Variants in SGO1 observed in about 807,000 individuals in gnomAD.
The protein encoded by SGO1 is serologically defined breast cancer antigen NY-BR-85.
A neutral mutation model predicts 50.5 loss-of-function variants in SGO1; 39 were observed. The observed-to-expected ratio is 0.77, with a 90% confidence interval of 0.60 to 1.01. The LOEUF is 1.01. Among genes scored for constraint, SGO1 ranks in the 50% least tolerant of loss-of-function variants. The pLI, the probability that SGO1 is intolerant of heterozygous loss-of-function variation, is 0.00. For synonymous variants in SGO1, 191 were observed against 205.1 expected, an observed-to-expected ratio of 0.93 and a Z score of 0.59; for missense variants, 638 against 606.0, an observed-to-expected ratio of 1.05 and a Z score of -0.55.
chr3:20,163,585 C>A (rs1198282605), intron 8 of SGO1, among the ~76,000 whole-genome samples: 2 of 152,094 alleles, frequency 1.3e-5, no homozygotes, highest in Admixed American at 1.3e-4. Context: ...TAACAGAATG[C>A]TATAAATAGA....
At position 20,174,677 on chromosome 3, in the gene SGO1, CTT is replaced by C; in HGVS notation, c.852_853del (p.Asp286TyrfsTer13). 1.2e-6 allele frequency: 2 copies of C among 1,610,682 alleles called. No homozygotes were observed. On this transcript the variant is annotated frameshift_variant, in exon 6 of 8. Transcript: ENST00000412997. LOFTEE classifies it high-confidence loss of function. Reference sequence around the variant, plus strand: ...TTCTCTTTTTCTTTCTTGTGTATCTCTTTGCTTACTTTTAGTTTGTTCAGATT... The same window carrying C: ...TTCTCTTTTTCTTTCTTGTGTATCTCTGCTTACTTTTAGTTTGTTCAGATT...
At chr3:20,180,964 C>A (rs1186375925) in intron 3 of SGO1, among the ~76,000 whole-genome samples, 3 of 152,082 alleles carry the variant, frequency 2.0e-5, no homozygotes, top group Non-Finnish European at 4.4e-5. Context: ...CTGTCTCTAC[C>A]CCCAACAAAA....
At position 20,161,124 on chromosome 3, in the gene SGO1, GT is replaced by G. The variant is rs1484381292; in HGVS notation, c.1666del (p.Thr556ProfsTer5). The stretch of plus-strand genomic sequence containing the variant: ...TGGACTTTACCTCAAGCAGATGTGG[GT>G]TTCAAGTTTACATTTCCTACAGTCT... On this transcript the variant is annotated frameshift_variant, in exon 9 of 9. Coordinates refer to the SGO1 transcript ENST00000263753. LOFTEE classifies it high-confidence loss of function. 7.4e-6 allele frequency: 12 copies of G among 1,613,674 alleles called. No homozygotes were observed. In the East Asian group the frequency reaches 2.7e-4, roughly 36 times the overall value.
rs902182648 is a variant in SGO1 at position 20,169,616 on chromosome 3, T to C, written c.*1088A>G. The stretch of plus-strand genomic sequence containing the variant: ...TTCGCTTTCATTGGTTGGTCAAAAA[T>C]ATGCAAAAACCCTAAATATTCACAC... On this transcript the variant is annotated 3_prime_UTR_variant, in exon 8 of 8. Transcript: ENST00000412997. 1 of 985,150 alleles carries C rather than the reference T, an allele frequency of 1.0e-6. No homozygotes were observed. The highest frequency in any genetic ancestry group is 1.7e-5 in the African/African-American group (1 of 57,356). The allele number at this position is 985,150 out of a possible 1,614,324, so 61.0% of individuals were successfully genotyped here. A position where few individuals can be genotyped will look rare whatever the true frequency, so the allele number is the denominator to read the frequency against.
downstream of SGO1, among the ~76,000 whole-genome samples, chr3:20,165,148 C>G (rs571557650): frequency 3.3e-5 from 5 of 152,220 alleles, no homozygotes; most frequent in Non-Finnish European, 7.3e-5. Flanking sequence ...GCTGCTTCCA[C>G]TCATGGTAGA....
At chr3:20,169,149 G>C, downstream of SGO1, 1 of 985,340 alleles carries the variant, frequency 1.0e-6, no homozygotes, top group Non-Finnish European at 1.2e-6. Context: ...GACTGACATA[G>C]AATACAGAAA....
At chr3:20,172,690 C>T (rs1700887839) in intron 6 of SGO1, among the ~76,000 whole-genome samples, 1 of 149,888 alleles carries the variant, frequency 6.7e-6, no homozygotes, top group African/African-American at 2.5e-5. Flanking sequence ...GCTCACACAT[C>T]TGTAATCCCA....
At chr3:20,182,372 T>G (rs1702119214) in intron 3 of SGO1, among the ~76,000 whole-genome samples, 1 of 149,840 alleles carries the variant, frequency 6.7e-6, no homozygotes, top group Non-Finnish European at 1.5e-5. Context: ...CACAATGTTC[T>G]CGCTTTCTTA....
intron 8 of SGO1, among the ~76,000 whole-genome samples, chr3:20,162,377 G>T (rs758209022): frequency 6.6e-6 from 1 of 152,142 alleles, no homozygotes; most frequent in Non-Finnish European, 1.5e-5. Context: ...TCACATCTTC[G>T]TACTGGGGGT....
intron 3 of SGO1, among the ~76,000 whole-genome samples, chr3:20,182,627 A>G (rs193166333): frequency 6.6e-6 from 1 of 152,250 alleles, no homozygotes; most frequent in East Asian, 1.9e-4. Context: ...GACACAAAGA[A>G]TATCCTAAAG....
Position 20,170,399 on chromosome 3 carries a change from C to CAAAA in SGO1, c.*301_*304dup. 1 of 735,334 alleles carries CAAAA rather than the reference C, an allele frequency of 1.4e-6. No homozygotes were observed. The highest frequency in any genetic ancestry group is 1.6e-6 in the Non-Finnish European group (1 of 630,092). The allele number at this position is 735,334 out of a possible 1,614,324, so 45.6% of individuals were successfully genotyped here. On this transcript the variant is annotated 3_prime_UTR_variant, in exon 8 of 8. Transcript: ENST00000412997. The stretch of plus-strand genomic sequence containing the variant: ...GGCAACAAGAATGAAATTCCGCCTC[C>CAAAA]AAAAAAAAAAAAAGATATATTTCGA...
downstream of SGO1, among the ~76,000 whole-genome samples, chr3:20,167,204 G>A (rs1305294089): frequency 1.3e-5 from 2 of 152,084 alleles, no homozygotes; most frequent in South Asian, 2.1e-4. Context: ...GAATTGTGCT[G>A]GGACAACTGG....
intron 5 of SGO1, among the ~76,000 whole-genome samples, chr3:20,175,955 A>AT (rs1478118746): frequency 6.6e-6 from 1 of 152,240 alleles, no homozygotes; most frequent in Non-Finnish European, 1.5e-5. Flanking sequence ...TGAAAAATAA[A>AT]TAAGATTTGA....
intron 4 of SGO1, among the ~76,000 whole-genome samples, chr3:20,177,973 A>C (rs564185994): frequency 6.6e-6 from 1 of 152,258 alleles, no homozygotes; most frequent in South Asian, 2.1e-4. Context: ...TTAGAATAAA[A>C]ACATGGTACA....
chr3:20,181,540 G>A (rs369799121), intron 3 of SGO1, among the ~76,000 whole-genome samples: 10 of 152,310 alleles, frequency 6.6e-5, no homozygotes, highest in African/African-American at 1.7e-4. Flanking sequence ...ATATATTTGC[G>A]TAGCAACTAA....
intron 6 of SGO1, among the ~76,000 whole-genome samples, chr3:20,173,210 C>T (rs1022571241): frequency 2.6e-5 from 4 of 151,794 alleles, no homozygotes; most frequent in African/African-American, 4.8e-5. Flanking sequence ...CGGCTCACTG[C>T]AACCTCTGTT....
At chr3:20,163,413 T>G (rs1405356919) in intron 8 of SGO1, among the ~76,000 whole-genome samples, 2 of 152,192 alleles carry the variant, frequency 1.3e-5, no homozygotes, top group African/African-American at 4.8e-5. Context: ...ATCATCAGAA[T>G]CATCTATTTT....
chr3:20,168,950 T>C (rs895649348), downstream of SGO1: 88 of 985,200 alleles, frequency 8.9e-5, 1 homozygote, highest in Admixed American at 6.2e-5. Flanking sequence ...AAACTGACTT[T>C]TTAATGGTCT....
Position 20,174,774 on chromosome 3 carries a change from C to G in SGO1, c.757G>C (p.Val253Leu). ...TGAATCAGCTTTGGTGATAAGTTAACTTGGTCCTTGCTCCATTGACAAGCA... is the reference window on the plus strand; with the variant it reads ...TGAATCAGCTTTGGTGATAAGTTAAGTTGGTCCTTGCTCCATTGACAAGCA... ...HNACQWSKDQ[V>L]NLSPKLIQPG... is the part of the protein sequence containing the mutation. The change falls in exon 6 of 8, where the codon GTT (valine) becomes CTT (leucine). Residue 253 changes from valine (V) to leucine (L), a missense_variant. Physicochemically the swap from Val to Leu is conservative, Grantham distance 32 (BLOSUM62 1). Coordinates refer to ENST00000412997, the MANE Select transcript of SGO1 (RefSeq NM_001199251.3). 3 of 1,614,016 alleles carry G rather than the reference C, an allele frequency of 1.9e-6. No individual in the cohort carries two copies. The highest frequency in any genetic ancestry group is 2.5e-6 in the Non-Finnish European group (3 of 1,180,010).
Sources: gnomAD v4.1 joint callset for allele counts (sites outside exome capture counted in the v4.1 genomes callset) on GRCh38, gnomAD v4.1.1 for gene constraint, MANE v1.5 for transcripts, NCBI Gene and HGNC (gene_info 2026-07-23, HGNC 2026-07-21) for gene names.